ASNS: variants seen among roughly 807,000 people sequenced by gnomAD.
ASNS encodes the protein asparagine synthetase (glutamine-hydrolyzing), also known as asparagine synthetase [glutamine-hydrolyzing].
ASNS carries 37 observed loss-of-function variants against 62.6 expected under a neutral mutation model. The observed-to-expected ratio is 0.59, with a 90% CI of 0.45 to 0.78. The LOEUF (loss-of-function observed/expected upper bound fraction) is 0.78, where lower values mean the gene tolerates loss of function less well. ASNS is among the 30% of genes least tolerant of loss of function. The probability of loss-of-function intolerance (pLI) is 0.00; values close to 1 mark genes in which losing one functional copy is unlikely to be tolerated. For missense variants in ASNS, 520 were observed against 682.4 expected, an observed-to-expected ratio of 0.76 and a Z score of 2.65; for synonymous variants, 207 against 237.9, an observed-to-expected ratio of 0.87 and a Z score of 1.19.
At chr7:97,874,415 G>T (rs1405067525), upstream of ASNS, among the ~76,000 whole-genome samples, 1 of 152,126 alleles carries the variant, frequency 6.6e-6, no homozygotes, top group Middle Eastern at 3.2e-3. Flanking sequence ...GTCCTGAGAC[G>T]ATATACATCC....
At chr7:97,921,481 G>A in the ASNS span, among the ~76,000 whole-genome samples, 7 of 152,250 alleles carry the variant, frequency 4.6e-5, no homozygotes, top group East Asian at 3.9e-4. Flanking sequence ...TGGTTGTGGC[G>A]TGTGGGCTAC....
At chr7:97,875,947 C>G (rs890579853), upstream of ASNS, among the ~76,000 whole-genome samples, 2 of 151,716 alleles carry the variant, frequency 1.3e-5, no homozygotes, top group Non-Finnish European at 2.9e-5. Flanking sequence ...ACTTCTGCCT[C>G]CTGGGTTCAA....
chr7:97,884,271 G>A, the ASNS span, among the ~76,000 whole-genome samples: 1 of 152,144 alleles, frequency 6.6e-6, no homozygotes, highest in African/African-American at 2.4e-5. Context: ...AAATCTGGCT[G>A]AGCGCAGTGG....
chr7:97,861,706 A>G (rs1791726993), intron 4 of ASNS, among the ~76,000 whole-genome samples: 1 of 152,222 alleles, frequency 6.6e-6, no homozygotes, highest in East Asian at 1.9e-4. Flanking sequence ...CAAAGAACTC[A>G]TCTGGGATTC....
the ASNS span, chr7:97,909,135 C>A: frequency 1.3e-5 from 2 of 152,114 alleles, no homozygotes; most frequent in Non-Finnish European, 2.9e-5. Context: ...GCTTTTCTCT[C>A]GGACACCAAG....
Position 97,856,633 on chromosome 7 carries a change from T to C in ASNS, c.1030+57A>G, listed in dbSNP as rs997063775. 6.3e-6 allele frequency: 9 copies of C among 1,420,118 alleles called. No individual in the cohort carries two copies. The African/African-American group carries it at 1.3e-4, about 21-fold the overall frequency. The allele number at this position is 1,420,118 out of a possible 1,614,324, so 88.0% of individuals were successfully genotyped here. On this transcript the variant is annotated intron_variant, in intron 8 of 12. Transcript: ENST00000394308. ...GGCTTGAAATAATTTTTTTAAACCTTACATTTTTTTCAGTATTAAAAAAAG... is the reference window on the plus strand; with the variant it reads ...GGCTTGAAATAATTTTTTTAAACCTCACATTTTTTTCAGTATTAAAAAAAG...
the ASNS span, among the ~76,000 whole-genome samples, chr7:97,912,580 T>A: frequency 1.1e-5 from 1 of 94,678 alleles, no homozygotes; most frequent in Non-Finnish European, 2.2e-5. Flanking sequence ...TTTTTTTTTT[T>A]TTTTTTTTTT....
chr7:97,860,927 G>C lies in ASNS; in HGVS notation c.488-1529C>G, dbSNP rs1357233030. Among the ~76,000 whole-genome samples the C allele has an allele frequency of 2.6e-5, 4 of 151,538 alleles. No individual in the cohort carries two copies. The East Asian group carries it at 7.7e-4, about 29-fold the overall frequency. On this transcript the variant is annotated intron_variant, in intron 4 of 12. Transcript: ENST00000394308. ...ATTTAAGAAAGCTTTGCCAAATCCAGGGTCATGACAATTTACTTCTATGTT... is the reference window on the plus strand; with the variant it reads ...ATTTAAGAAAGCTTTGCCAAATCCACGGTCATGACAATTTACTTCTATGTT...
the ASNS span, among the ~76,000 whole-genome samples, chr7:97,904,313 CACACAGAGAG>C: frequency 6.8e-6 from 1 of 146,066 alleles, no homozygotes; most frequent in African/African-American, 2.6e-5. Flanking sequence ...CACACACACA[CACACAGAGAG>C]AGAGAAATTC....
chr7:97,914,524 C>T, the ASNS span, among the ~76,000 whole-genome samples: 77 of 134,066 alleles, frequency 5.7e-4, no homozygotes, highest in African/African-American at 1.8e-3. Flanking sequence ...TGCTGCCATG[C>T]TAGACAGGTA....
Position 97,858,419 on chromosome 7 carries a change from AGGAAGT to A in ASNS, c.776-20_776-15del. 1 of 1,614,036 alleles carries A rather than the reference AGGAAGT, an allele frequency of 6.2e-7. No individual in the cohort carries two copies. The highest frequency in any genetic ancestry group is 8.5e-7 in the Non-Finnish European group (1 of 1,179,924). On this transcript the variant is annotated splice_polypyrimidine_tract_variant and intron_variant, in intron 6 of 12. Transcript: ENST00000394308. ...AGTCCAAGCCCCCTACATGCAAAAG[AGGAAGT>A]GGAAGTGTCCTAGTTATGTGCCTTG...
At chr7:97,889,865 A>G in the ASNS span, among the ~76,000 whole-genome samples, 2 of 150,548 alleles carry the variant, frequency 1.3e-5, no homozygotes, top group Non-Finnish European at 3.0e-5. Flanking sequence ...TGCCTGAAAA[A>G]AATTCAGAAT....
At chr7:97,871,567 A>G (rs1414054814) in intron 1 of ASNS, 1 of 152,588 alleles carries the variant, frequency 6.6e-6, no homozygotes, top group Non-Finnish European at 1.5e-5. Flanking sequence ...TAAAGAAATA[A>G]TGTAGGCCAC....
intron 9 of ASNS, chr7:97,854,922 A>T: frequency 1.8e-6 from 1 of 568,326 alleles, no homozygotes; most frequent in Non-Finnish European, 2.9e-6. Context: ...GATGCTAAGA[A>T]ATGGCAGAAA....
At position 97,852,931 on chromosome 7, in the gene ASNS, T is replaced by A. The variant is rs1161273876; in HGVS notation, c.1476+129A>T. 3.5e-6 allele frequency: 3 copies of A among 866,328 alleles called. No homozygotes were observed. In the African/African-American group the frequency reaches 5.2e-5, roughly 15 times the overall value. The allele number at this position is 866,328 out of a possible 1,614,324, so 53.7% of individuals were successfully genotyped here. A position where few individuals can be genotyped will look rare whatever the true frequency, so the allele number is the denominator to read the frequency against. On this transcript the variant is annotated intron_variant, in intron 12 of 12. Coordinates refer to ENST00000394308, the MANE Select transcript of ASNS (RefSeq NM_001673.5). ...AGAGAGATATCTGATGTATGTATCA[T>A]TCAAACTAAATACATGTATCATTCA...
the ASNS span, among the ~76,000 whole-genome samples, chr7:97,899,366 T>C: frequency 6.6e-6 from 1 of 152,252 alleles, no homozygotes; most frequent in African/African-American, 2.4e-5. Context: ...CAAGAAATCC[T>C]CCCACCACAG....
chr7:97,891,811 A>G, the ASNS span, among the ~76,000 whole-genome samples: 1 of 151,906 alleles, frequency 6.6e-6, no homozygotes, highest in Non-Finnish European at 1.5e-5. Context: ...GTGGGTTTAA[A>G]CCCCCTCCTG....
At chr7:97,889,739 C>T in the ASNS span, among the ~76,000 whole-genome samples, 5 of 151,322 alleles carry the variant, frequency 3.3e-5, no homozygotes, top group African/African-American at 1.2e-4. Context: ...ACTGTTATGT[C>T]AGAGGCACAG....
the ASNS span, among the ~76,000 whole-genome samples, chr7:97,896,433 A>G: frequency 3.3e-5 from 5 of 149,918 alleles, no homozygotes; most frequent in Non-Finnish European, 7.4e-5. Flanking sequence ...CTAAAAAAAA[A>G]AAAACAAAAA....
Sources: allele counts gnomAD v4.1 joint callset (sites outside exome capture counted in the v4.1 genomes callset), GRCh38; gene constraint gnomAD v4.1.1; transcripts MANE v1.5; gene names NCBI Gene and HGNC (gene_info 2026-07-23, HGNC 2026-07-21).